The following ZFP64 variants were observed in gnomAD, a reference collection of about 807,000 sequenced individuals.
ZFP64 encodes the protein zinc finger protein 64.
Under a neutral mutation model 51.6 loss-of-function variants are expected in ZFP64, and 14 were observed. That is an observed-to-expected ratio of 0.27 (90% confidence interval 0.18 to 0.42). The LOEUF is 0.42. ZFP64 is among the 10% of genes least tolerant of loss of function. The pLI is 1.00. For synonymous variants in ZFP64, 375 were observed against 361.4 expected (o/e 1.04, Z -0.43); for missense variants, 754 against 906.8 (o/e 0.83, Z 2.16).
intron 2 of ZFP64, among the ~76,000 whole-genome samples, chr20:52,170,924 G>A (rs1182700456): frequency 1.3e-5 from 2 of 152,158 alleles, no homozygotes; most frequent in African/African-American, 4.8e-5. Context: ...AAATATTACA[G>A]AGAAAAATAA....
rs764197706 is a variant in ZFP64, at chr20:52,085,023, G to T, written c.1472C>A (p.Ala491Asp). The T allele has an allele frequency of 6.2e-7, 1 of 1,614,034 alleles. No individual in the cohort carries two copies. The highest frequency in any genetic ancestry group is 8.5e-7 in the Non-Finnish European group (1 of 1,180,002). Residue 491 changes from alanine (A) to aspartate (D), a missense_variant, in exon 9 of 9, where the codon GCC (alanine) becomes GAC (aspartate). Coordinates refer to the ZFP64 transcript ENST00000361387. This position sits in a 1 kb window ranked among gnomAD's most constrained non-coding sequence, Gnocchi z 4.3. ...CTCTGGACACTTCTCCGGGTGGTCG[G>T]CCTGGTGCAGCCGGCTGTGCTCCAG... is the stretch of plus-strand genomic sequence containing the variant.
intron 5 of ZFP64, among the ~76,000 whole-genome samples, chr20:52,157,093 T>C (rs776772111): frequency 3.9e-5 from 6 of 152,184 alleles, no homozygotes; most frequent in Non-Finnish European, 8.8e-5. Context: ...TCTAAGAAAC[T>C]AGTCTCAGAG....
chr20:52,110,660 G>A, intron 5 of ZFP64: 1 of 1,395,578 alleles, frequency 7.2e-7, no homozygotes, highest in Non-Finnish European at 9.8e-7. Context: ...CTGGCCACCA[G>A]GCCACCTGGC....
Position 52,152,436 on chromosome 20 carries a change from G to A in ZFP64, c.1756C>T (p.Leu586Phe). Residue 586 changes from leucine to phenylalanine, a missense_variant, in exon 6 of 6, where the codon CTC becomes TTC. This residue lies in a region of ZFP64 where 428 missense variants were observed against 472.4 expected (regional missense o/e 0.91). Transcript: ENST00000216923. ...QTDGATLHQTLIPTASGGPQE... is the reference protein window; with the variant it reads ...QTDGATLHQTFIPTASGGPQE... The stretch of plus-strand genomic sequence containing the variant: ...GGGCCACCTGAGGCCGTGGGGATGA[G>A]AGTCTGGTGCAGAGTGGCTCCGTCC... The A allele has an allele frequency of 6.2e-7, 1 of 1,614,178 alleles. No individual in the cohort carries two copies. Among genetic ancestry groups the A allele is most frequent in the Non-Finnish European group, 8.5e-7 (1 of 1,180,042 alleles).
At chr20:52,123,204 G>A (rs1284530334) in intron 5 of ZFP64, among the ~76,000 whole-genome samples, 2 of 152,050 alleles carry the variant, frequency 1.3e-5, no homozygotes, top group Non-Finnish European at 2.9e-5. Context: ...TTAGCCAGGC[G>A]AACATGTTCG....
intron 5 of ZFP64, among the ~76,000 whole-genome samples, chr20:52,137,798 T>C (rs182310844): frequency 8.9e-4 from 136 of 152,226 alleles, no homozygotes; most frequent in African/African-American, 3.1e-3. Flanking sequence ...CAGGGAAGAA[T>C]TTCTTAATGG....
At chr20:52,105,731 G>A (rs1978309646) in intron 5 of ZFP64, 1 of 152,070 alleles carries the variant, frequency 6.6e-6, no homozygotes, top group Non-Finnish European at 1.5e-5. Context: ...GGTGGGGCCT[G>A]AGCTCCTGTA....
chr20:52,164,640 TCTC>T lies in ZFP64; in HGVS notation c.511+52_511+54del, dbSNP rs1982091034. ...TTCGTCTGACCTATGTGGATCCCCA[TCTC>T]CTAGCACAGAGCAGGTGTTGAGGGC... On this transcript the variant is annotated intron_variant, in intron 4 of 5. Coordinates refer to ENST00000216923, the MANE Select transcript of ZFP64 (RefSeq NM_018197.3). 6.2e-6 allele frequency: 9 copies of T among 1,458,762 alleles called. No individual in the cohort carries two copies. The Admixed American group carries it at 1.5e-4, about 25-fold the overall frequency. The allele number at this position is 1,458,762 out of a possible 1,614,324, so 90.4% of individuals were successfully genotyped here.
Position 52,106,399 on chromosome 20 carries a change from C to A in ZFP64, c.764-7812G>T, listed in dbSNP as rs189132526. Among the ~76,000 whole-genome samples the A allele has an allele frequency of 7.9e-5, 12 of 152,224 alleles. No individual in the cohort carries two copies. In the East Asian group the frequency reaches 2.1e-3, roughly 27 times the overall value. ...CCGAACCTGAGAATCACGTGGGGGC[C>A]CTTGTTTCAAAAAGACCCAGCCAGG... On this transcript the variant is annotated intron_variant, in intron 5 of 8. Coordinates refer to the ZFP64 transcript ENST00000361387.
In ZFP64 at chr20:52,152,067, G is replaced by A. The variant is rs1400466355; in HGVS notation, c.*79C>T. On this transcript the variant is annotated 3_prime_UTR_variant, in exon 6 of 6. Coordinates refer to ENST00000216923, the MANE Select transcript of ZFP64 (RefSeq NM_018197.3). ...CAAAACAAAACAAAGAAAACATTAA[G>A]AGCAAACCTTTTAGAGAATTCTACT... is the stretch of plus-strand genomic sequence containing the variant. 1 of 1,519,648 alleles carries A rather than the reference G, an allele frequency of 6.6e-7. No individual in the cohort carries two copies. The highest frequency in any genetic ancestry group is 8.8e-7 in the Non-Finnish European group (1 of 1,136,068). 94.1% of individuals were successfully genotyped at this position (1,519,648 alleles called of 1,614,324 possible).
downstream of ZFP64, among the ~76,000 whole-genome samples, chr20:52,149,898 A>G (rs1015852088): frequency 6.6e-6 from 1 of 152,202 alleles, no homozygotes; most frequent in Non-Finnish European, 1.5e-5. Context: ...GAAAACATAT[A>G]TACGTAAGCA....
intron 4 of ZFP64, among the ~76,000 whole-genome samples, chr20:52,163,738 A>G (rs1982015457): frequency 6.6e-6 from 1 of 152,222 alleles, no homozygotes; most frequent in Non-Finnish European, 1.5e-5. Context: ...ATACACATTT[A>G]TACTTTTAAA....
At chr20:52,175,859 C>CCG in intron 2 of ZFP64, 1 of 309,016 alleles carries the variant, frequency 3.2e-6, no homozygotes, top group Non-Finnish European at 4.7e-6. Context: ...CGCACCCCCG[C>CCG]TGCCGCCCCC....
chr20:52,169,552 G>A (rs1287844207), intron 2 of ZFP64, among the ~76,000 whole-genome samples: 5 of 152,086 alleles, frequency 3.3e-5, no homozygotes, highest in African/African-American at 9.7e-5. Flanking sequence ...TCACCCTCCT[G>A]CCACTTTCTG....
intron 7 of ZFP64, among the ~76,000 whole-genome samples, chr20:52,094,657 G>A (rs1172997446): frequency 6.6e-6 from 1 of 152,122 alleles, no homozygotes; most frequent in Non-Finnish European, 1.5e-5. Flanking sequence ...TATTCAAGAA[G>A]CAGAGGCATG....
intron 2 of ZFP64, among the ~76,000 whole-genome samples, chr20:52,180,530 G>C (rs1983537748): frequency 1.0e-5 from 1 of 96,002 alleles, no homozygotes; most frequent in East Asian, 3.0e-4. Flanking sequence ...TAAAGAGTAG[G>C]AATTAACCAG....
At chr20:52,097,396 T>A (rs1406802086) in exon 7 of ZFP64, 2 of 1,612,420 alleles carry the variant, frequency 1.2e-6, no homozygotes, top group Non-Finnish European at 1.7e-6. Flanking sequence ...GAGATGGCGG[T>A]CCAAGTCTTT....
Position 52,096,722 on chromosome 20 carries a change from C to T in ZFP64, c.976+651G>A, listed in dbSNP as rs543641820. Reference sequence around the variant, plus strand: ...TGGCCAACATGGCAAAACCCCGTCTCTACTAAAAATAGAAAAATTAGCTGG... The same window carrying T: ...TGGCCAACATGGCAAAACCCCGTCTTTACTAAAAATAGAAAAATTAGCTGG... On this transcript the variant is annotated intron_variant, in intron 7 of 8. Coordinates refer to the ZFP64 transcript ENST00000361387. The T allele has an allele frequency of 4.3e-3, 842 of 198,012 alleles. 4 individuals are homozygous for T. Among genetic ancestry groups the T allele is most frequent in the Middle Eastern group, 9.5e-3 (4 of 420 alleles). The allele number at this position is 198,012 out of a possible 1,614,324, so 12.3% of individuals were successfully genotyped here. A position where few individuals can be genotyped will look rare whatever the true frequency, so the allele number is the denominator to read the frequency against.
rs1268410865 is a variant in ZFP64, at chr20:52,085,362, T to G, written c.1229-96A>C. 1 of 1,344,168 alleles carries G rather than the reference T, an allele frequency of 7.4e-7. No homozygotes were observed. The highest frequency in any genetic ancestry group is 1.0e-6 in the Non-Finnish European group (1 of 997,794). The allele number at this position is 1,344,168 out of a possible 1,614,324, so 83.3% of individuals were successfully genotyped here. A position where few individuals can be genotyped will look rare whatever the true frequency, so the allele number is the denominator to read the frequency against. On this transcript the variant is annotated intron_variant, in intron 8 of 8. Coordinates refer to the ZFP64 transcript ENST00000361387. This position sits in a 1 kb window ranked among gnomAD's most constrained non-coding sequence, Gnocchi z 4.3. ...GCACACTTGGCCGCCATGAGATGGT[T>G]GGGTTTTGTGAACTCTAAACCCAAC...
Sources: gnomAD v4.1 joint callset for allele counts (sites outside exome capture counted in the v4.1 genomes callset) on GRCh38, gnomAD v4.1.1 for gene constraint, gnomAD v4.1.1 regional missense constraint, Gnocchi (gnomAD v3.1) non-coding constraint, MANE v1.5 for transcripts, NCBI Gene and HGNC (gene_info 2026-07-23, HGNC 2026-07-21) for gene names.